The following STIM2 variants were observed in gnomAD, a reference collection of about 807,000 sequenced individuals.
STIM2 encodes the protein stromal interaction molecule 2.
In STIM2, 31 loss-of-function variants were observed where a neutral mutation model predicts 85.8. That is an observed-to-expected ratio of 0.36 (90% confidence interval 0.27 to 0.49). The LOEUF is 0.49. Ranked by LOEUF, STIM2 falls within the 20% of genes least tolerant of loss-of-function variation. The pLI is 0.98. For synonymous variants in STIM2, 356 were observed against 331.1 expected, an observed-to-expected ratio of 1.08 and a Z score of -0.82; for missense variants, 841 against 927.6, an observed-to-expected ratio of 0.91 and a Z score of 1.21.
intron 2 of STIM2, among the ~76,000 whole-genome samples, chr4:26,921,366 T>G (rs1399744551): frequency 1.3e-5 from 2 of 152,224 alleles, no homozygotes; most frequent in East Asian, 3.9e-4. Context: ...CCATCCAATT[T>G]ATGGTACTTT....
chr4:26,964,818 A>G (rs1186476670), intron 3 of STIM2, among the ~76,000 whole-genome samples: 1 of 152,118 alleles, frequency 6.6e-6, no homozygotes, highest in Non-Finnish European at 1.5e-5. Context: ...TCTGTAACTG[A>G]GATTATGTAG....
intron 3 of STIM2, among the ~76,000 whole-genome samples, chr4:26,976,873 A>ATG (rs1371526032): frequency 2.6e-5 from 4 of 152,198 alleles, no homozygotes; most frequent in African/African-American, 9.6e-5. Context: ...GGGATAGAGC[A>ATG]TTGAACAAAA....
chr4:26,987,046 C>G (rs1168312487), intron 3 of STIM2, among the ~76,000 whole-genome samples: 1 of 152,204 alleles, frequency 6.6e-6, no homozygotes. Context: ...AGATTGCTTT[C>G]AGCTAGAGTA....
At chr4:26,918,294 C>T (rs1247508252) in intron 1 of STIM2, among the ~76,000 whole-genome samples, 7 of 150,528 alleles carry the variant, frequency 4.7e-5, no homozygotes, top group Admixed American at 4.0e-4. Context: ...TCTCTTCTCC[C>T]AGCTTTTTTT....
rs139675323 is a variant in STIM2 at position 26,869,104 on chromosome 4, G to C, written c.151+7735G>C. Among the ~76,000 whole-genome samples, 567 of 152,076 alleles carry C rather than the reference G, an allele frequency of 3.7e-3. 8 individuals carry two copies. Among genetic ancestry groups the C allele is most frequent in the African/African-American group, 0.013 (540 of 41,476 alleles). ...GAGCCCAGGACTTCGAGACCAGTCT[G>C]GGCAACACGGTGAAATCCCATCTCC... On this transcript the variant is annotated intron_variant, in intron 1 of 11. Coordinates refer to ENST00000467087, the MANE Select transcript of STIM2 (RefSeq NM_020860.4).
At chr4:26,994,180 C>G (rs905907802) in intron 3 of STIM2, among the ~76,000 whole-genome samples, 10 of 152,064 alleles carry the variant, frequency 6.6e-5, no homozygotes, top group Admixed American at 2.0e-4. Context: ...ACTTGCAGAT[C>G]TGACTGCTGC....
At chr4:26,874,004 G>T in intron 1 of STIM2, 1 of 826,960 alleles carries the variant, frequency 1.2e-6, no homozygotes, top group Non-Finnish European at 2.1e-6. Flanking sequence ...TCTCCTCCTG[G>T]CCTTCACCTG....
chr4:26,962,011 A>G (rs1198249275), intron 3 of STIM2, among the ~76,000 whole-genome samples: 1 of 152,054 alleles, frequency 6.6e-6, no homozygotes, highest in African/African-American at 2.4e-5. Flanking sequence ...TTGGCTTCCT[A>G]AAGTGCTAGG....
At chr4:26,987,945 G>T (rs1353065582) in intron 3 of STIM2, among the ~76,000 whole-genome samples, 1 of 152,256 alleles carries the variant, frequency 6.6e-6, no homozygotes, top group African/African-American at 2.4e-5. Context: ...ACAGTCAGAA[G>T]GTTAGAGTTC....
At chr4:26,949,667 A>G (rs1725971842) in intron 2 of STIM2, among the ~76,000 whole-genome samples, 2 of 152,144 alleles carry the variant, frequency 1.3e-5, no homozygotes, top group East Asian at 1.9e-4. Flanking sequence ...AAATGCCTCC[A>G]TCTTACTTCA....
At chr4:26,986,131 G>A (rs2109117662) in intron 3 of STIM2, among the ~76,000 whole-genome samples, 1 of 152,236 alleles carries the variant, frequency 6.6e-6, no homozygotes, top group African/African-American at 2.4e-5. Context: ...CTGAGCTTCA[G>A]CTTCCTAATC....
chr4:26,965,859 C>G (rs182488273), intron 3 of STIM2, among the ~76,000 whole-genome samples: 75 of 152,218 alleles, frequency 4.9e-4, no homozygotes, highest in Admixed American at 4.7e-3. Context: ...GAGACCACTA[C>G]CTATTACATC....
chr4:27,005,104 G>A (rs1728287032), intron 7 of STIM2, among the ~76,000 whole-genome samples: 1 of 152,192 alleles, frequency 6.6e-6, no homozygotes, highest in Middle Eastern at 3.2e-3. Context: ...ACTGAGAAAT[G>A]ATGTATAATA....
intron 3 of STIM2, among the ~76,000 whole-genome samples, chr4:26,980,602 T>A (rs1388618582): frequency 6.6e-6 from 1 of 152,162 alleles, no homozygotes; most frequent in Non-Finnish European, 1.5e-5. Context: ...AAAAATAATC[T>A]GAAACAGGTT....
intron 1 of STIM2, among the ~76,000 whole-genome samples, chr4:26,917,294 C>T (rs558360930): frequency 1.2e-4 from 19 of 152,220 alleles, no homozygotes; most frequent in South Asian, 4.1e-4. Flanking sequence ...ATGCCTATAC[C>T]GTTTACTTAT....
intron 1 of STIM2, among the ~76,000 whole-genome samples, chr4:26,919,005 CA>C (rs899885999): frequency 6.6e-6 from 1 of 151,964 alleles, no homozygotes; most frequent in African/African-American, 2.4e-5. Context: ...AAAATGGAAA[CA>C]AAAGGGTCAT....
Position 27,017,850 on chromosome 4 carries a change from C to A in STIM2, c.1629C>A (p.His543Gln). 1 of 1,614,178 alleles carries A rather than the reference C, an allele frequency of 6.2e-7. No individual in the cohort carries two copies. The highest frequency in any genetic ancestry group is 2.2e-5 in the East Asian group (1 of 44,882). The stretch of plus-strand genomic sequence containing the variant: ...CCCCCCACCCGTCACACCCTCGGCA[C>A]CCTCACCACCCGCAACACACACCAC... Residue 543 changes from histidine to glutamine, a missense_variant, in exon 11 of 12, where the codon CAC (histidine) becomes CAA (glutamine). Coordinates refer to ENST00000467087, the MANE Select transcript of STIM2 (RefSeq NM_020860.4).
intron 4 of STIM2, among the ~76,000 whole-genome samples, chr4:26,998,219 A>C (rs945903440): frequency 6.6e-6 from 1 of 152,208 alleles, no homozygotes; most frequent in Non-Finnish European, 1.5e-5. Flanking sequence ...GTTGTTAAGA[A>C]ATCTTAGTTG....
chr4:26,885,877 A>ATG (rs1723227163), intron 1 of STIM2, among the ~76,000 whole-genome samples: 1 of 131,984 alleles, frequency 7.6e-6, no homozygotes, highest in Non-Finnish European at 1.6e-5. Flanking sequence ...ATATATATGT[A>ATG]TATGTCTATT....
Sources: gnomAD v4.1 joint callset for allele counts (sites outside exome capture counted in the v4.1 genomes callset) on GRCh38, gnomAD v4.1.1 for gene constraint, MANE v1.5 for transcripts, NCBI Gene and HGNC (gene_info 2026-07-23, HGNC 2026-07-21) for gene names.